ATXN7: variants seen among roughly 807,000 people sequenced by gnomAD.
ATXN7 encodes ataxin 7.
A neutral mutation model predicts 70.5 loss-of-function variants in ATXN7; 12 were observed. The observed-to-expected ratio is 0.17, with a 90% CI of 0.11 to 0.28. The LOEUF (loss-of-function observed/expected upper bound fraction) is 0.28, where lower values mean the gene tolerates loss of function less well. Among genes scored for constraint, ATXN7 ranks in the 10% least tolerant of loss-of-function variants. The pLI is 1.00. For missense variants in ATXN7, 1,256 were observed against 1,131.7 expected (o/e 1.11, Z -1.58); for synonymous variants, 498 against 448.7 (o/e 1.11, Z -1.39).
intron 2 of ATXN7, among the ~76,000 whole-genome samples, chr3:63,902,751 TGTA>T (rs995401583): frequency 6.6e-6 from 1 of 152,064 alleles, no homozygotes; most frequent in African/African-American, 2.4e-5. Context: ...GGAAGTGACT[TGTA>T]GTTTTATCAG....
intron 4 of ATXN7, among the ~76,000 whole-genome samples, chr3:63,924,902 G>A (rs1373883212): frequency 6.6e-6 from 1 of 152,174 alleles, no homozygotes; most frequent in Non-Finnish European, 1.5e-5. Context: ...TATTTTATTT[G>A]GATAGTATTA....
At chr3:63,895,986 A>G (rs1247271437) in intron 1 of ATXN7, among the ~76,000 whole-genome samples, 2 of 152,068 alleles carry the variant, frequency 1.3e-5, no homozygotes, top group African/African-American at 2.4e-5. Flanking sequence ...GACCCTCTTC[A>G]TCTCAATTTC....
chr3:63,931,803 G>C (rs1422042259), intron 4 of ATXN7, among the ~76,000 whole-genome samples: 1 of 152,066 alleles, frequency 6.6e-6, no homozygotes, highest in Non-Finnish European at 1.5e-5. Context: ...TTGTCATTTA[G>C]GTGACATGGG....
At chr3:63,899,892 C>CA (rs1212498837) in intron 2 of ATXN7, among the ~76,000 whole-genome samples, 1 of 152,150 alleles carries the variant, frequency 6.6e-6, no homozygotes, top group African/African-American at 2.4e-5. Flanking sequence ...GCTGGGATTA[C>CA]ACGCGTGAGC....
At chr3:63,896,285 A>C (rs928469786) in intron 1 of ATXN7, among the ~76,000 whole-genome samples, 2 of 126,320 alleles carry the variant, frequency 1.6e-5, no homozygotes, top group Non-Finnish European at 3.8e-5. Flanking sequence ...ATTTAAATAC[A>C]TCTTTTTTAA....
chr3:63,986,622 C>G (rs1222586246), intron 8 of ATXN7, among the ~76,000 whole-genome samples: 1 of 152,158 alleles, frequency 6.6e-6, no homozygotes, highest in East Asian at 1.9e-4. Flanking sequence ...TGGTACAACA[C>G]AAACAAAACA....
Position 63,988,212 on chromosome 3 carries a change from G to A in ATXN7, c.1249G>A (p.Ala417Thr), listed in dbSNP as rs61736570. ...PPQPLRDPHP[A>T]PPRTSQEPHQ... ...GCAGCCTCTCAGGGACCCGCATCCC[G>A]CCCCTCCTAGAACGTCACAGGAGCC... The change falls in exon 9 of 13, where the codon GCC becomes ACC. Residue 417 changes from alanine (A) to threonine (T), a missense_variant. Ala to Thr is a moderately conservative substitution (Grantham distance 58). Transcript: ENST00000674280. 1.7e-4 allele frequency: 269 copies of A among 1,613,872 alleles called. 1 individual carries two copies. The African/African-American group carries it at 3.0e-3, about 18-fold the overall frequency.
chr3:63,982,008 C>G (rs2075495526), intron 6 of ATXN7, among the ~76,000 whole-genome samples, 178 bp from the exon 7 acceptor site: 1 of 152,160 alleles, frequency 6.6e-6, no homozygotes, highest in South Asian at 2.1e-4. Context: ...ACCAGAAGGG[C>G]TTATAGACTT....
chr3:63,929,574 C>G (rs1202064223), intron 4 of ATXN7, among the ~76,000 whole-genome samples: 1 of 152,096 alleles, frequency 6.6e-6, no homozygotes, highest in Non-Finnish European at 1.5e-5. Flanking sequence ...CCCGGCCTGC[C>G]TTTCTTTTGA....
intron 4 of ATXN7, among the ~76,000 whole-genome samples, chr3:63,915,775 G>A (rs982769891): frequency 1.3e-5 from 2 of 151,444 alleles, no homozygotes; most frequent in Admixed American, 6.6e-5. Context: ...TCTGCTTCCT[G>A]GGTTCAAGCG....
intron 2 of ATXN7, chr3:63,903,679 A>G (rs1307124047): frequency 6.6e-6 from 1 of 152,154 alleles, no homozygotes; most frequent in Non-Finnish European, 1.5e-5. Flanking sequence ...GATGAGGTAG[A>G]TATTATTGTT....
chr3:63,955,148 A>G (rs2075019789), intron 5 of ATXN7, among the ~76,000 whole-genome samples: 1 of 152,224 alleles, frequency 6.6e-6, no homozygotes, highest in East Asian at 1.9e-4. Flanking sequence ...GGAAAGTGTG[A>G]ATTCAAGATT....
chr3:63,931,132 T>G (rs1408756911), intron 4 of ATXN7, among the ~76,000 whole-genome samples: 1 of 151,896 alleles, frequency 6.6e-6, no homozygotes. Flanking sequence ...TGAGAGAAGG[T>G]CTCACTGTGT....
intron 5 of ATXN7, among the ~76,000 whole-genome samples, chr3:63,978,723 G>A (rs1442909108): frequency 6.6e-6 from 1 of 152,200 alleles, no homozygotes; most frequent in Admixed American, 6.5e-5. Flanking sequence ...TCTGTAGATA[G>A]CTAGGATAAT....
chr3:63,982,501 G>C, intron 7 of ATXN7, 56 bp downstream of exon 7: 1 of 1,421,684 alleles, frequency 7.0e-7, no homozygotes, highest in South Asian at 1.3e-5. Flanking sequence ...ATGGGCATTC[G>C]TGGGGAGCAA....
chr3:63,972,811 C>A (rs2075333794), intron 5 of ATXN7, among the ~76,000 whole-genome samples: 1 of 152,196 alleles, frequency 6.6e-6, no homozygotes, highest in Non-Finnish European at 1.5e-5. Flanking sequence ...AAATCCTTAT[C>A]ACACTGGAGA....
chr3:63,973,979 A>C (rs577441080), intron 5 of ATXN7, among the ~76,000 whole-genome samples: 3 of 152,286 alleles, frequency 2.0e-5, no homozygotes, highest in African/African-American at 7.2e-5. Flanking sequence ...GTTAGAGGAA[A>C]GCATCCCAAA....
Position 63,933,995 on chromosome 3 carries a change from T to C in ATXN7, c.395-18384T>C, listed in dbSNP as rs574098872. Among the ~76,000 whole-genome samples, 5 of 152,204 alleles carry C rather than the reference T, an allele frequency of 3.3e-5. No homozygotes were observed. In the South Asian group the frequency reaches 8.3e-4, roughly 25 times the overall value. On this transcript the variant is annotated intron_variant, in intron 4 of 12. Transcript: ENST00000674280. ...CCTGGGTTTTCCAAAACAGTGGTGA[T>C]TGGAAATTGCGTAGTTGGTTGAATC...
intron 1 of ATXN7, among the ~76,000 whole-genome samples, chr3:63,892,629 C>T (rs62251628): frequency 0.03 from 4,630 of 152,256 alleles, 105 homozygotes; most frequent in South Asian, 0.052. Flanking sequence ...AAGGTAAATG[C>T]CAGAGCAGCT....
Sources: gnomAD v4.1 joint callset for allele counts (sites outside exome capture counted in the v4.1 genomes callset) on GRCh38, gnomAD v4.1.1 for gene constraint, MANE v1.5 for transcripts, NCBI Gene and HGNC (gene_info 2026-07-23, HGNC 2026-07-21) for gene names.